FBXW8: variants seen among roughly 807,000 people sequenced by gnomAD.
FBXW8 encodes the protein F-box/WD repeat-containing protein 8.
A neutral mutation model predicts 65.3 loss-of-function variants in FBXW8; 57 were observed. The observed-to-expected ratio is 0.87, with a 90% confidence interval of 0.71 to 1.09. FBXW8 has a LOEUF of 1.09. Among genes scored for constraint, FBXW8 ranks in the 50% least tolerant of loss-of-function variants. The pLI is 0.00. For missense variants in FBXW8, 777 were observed against 814.8 expected, an observed-to-expected ratio of 0.95 and a Z score of 0.57; for synonymous variants, 308 against 330.2, an observed-to-expected ratio of 0.93 and a Z score of 0.73.
chr12:117,013,025 G>A lies in FBXW8; in HGVS notation c.1367+2575G>A, dbSNP rs140890950. 7.9e-5 allele frequency among the ~76,000 whole-genome samples: 12 copies of A among 152,114 alleles called. No individual in the cohort carries two copies. In the East Asian group the frequency reaches 2.3e-3, roughly 29 times the overall value. On this transcript the variant is annotated intron_variant, in intron 8 of 10. Transcript: ENST00000652555. ...TCCTATCACTCAAGAAAAACCAGACGCTTGAGGTCAGGAGTTCAAGGTCAG... is the reference window on the plus strand; with the variant it reads ...TCCTATCACTCAAGAAAAACCAGACACTTGAGGTCAGGAGTTCAAGGTCAG...
intron 7 of FBXW8, among the ~76,000 whole-genome samples, chr12:117,001,795 C>T (rs1246674994): frequency 6.6e-6 from 1 of 152,198 alleles, no homozygotes; most frequent in African/African-American, 2.4e-5. Context: ...GCTGGACTCA[C>T]TGCTCTGACA....
chr12:117,016,508 C>T (rs894941433), intron 8 of FBXW8, among the ~76,000 whole-genome samples: 1 of 151,966 alleles, frequency 6.6e-6, no homozygotes, highest in Non-Finnish European at 1.5e-5. Flanking sequence ...TTAATATAGC[C>T]CAGGTACAAA....
At chr12:116,915,446 T>G (rs1420261478) in intron 1 of FBXW8, among the ~76,000 whole-genome samples, 2 of 152,118 alleles carry the variant, frequency 1.3e-5, no homozygotes, top group Non-Finnish European at 2.9e-5. Context: ...CACAGCTTGA[T>G]GAATTTTCAA....
chr12:116,997,959 G>T (rs112080989), intron 7 of FBXW8, among the ~76,000 whole-genome samples: 3,607 of 152,232 alleles, frequency 0.024, 145 homozygotes, highest in African/African-American at 0.082. Flanking sequence ...GGGACTACAG[G>T]CGTGTGCCAC....
chr12:117,013,033 T>TC, intron 8 of FBXW8, among the ~76,000 whole-genome samples: 1 of 152,150 alleles, frequency 6.6e-6, no homozygotes, highest in East Asian at 1.9e-4. Context: ...ACGCTTGAGG[T>TC]CAGGAGTTCA....
At chr12:116,928,180 A>G in intron 2 of FBXW8, 53 bp downstream of exon 2, 3 of 1,073,304 alleles carry the variant, frequency 2.8e-6, no homozygotes, top group East Asian at 2.4e-5. Flanking sequence ...TGATTAAGGT[A>G]TAGGACTCTC....
At chr12:117,012,206 G>A (rs1002988226) in intron 8 of FBXW8, among the ~76,000 whole-genome samples, 1 of 119,532 alleles carries the variant, frequency 8.4e-6, no homozygotes, top group Non-Finnish European at 1.7e-5. Flanking sequence ...GGTGTTCCAT[G>A]CATAGTGTCA....
intron 8 of FBXW8, among the ~76,000 whole-genome samples, chr12:117,019,018 A>C (rs10850742): frequency 0.41 from 61,659 of 152,068 alleles, 14,738 homozygotes; most frequent in African/African-American, 0.67. Flanking sequence ...CCCATTATGG[A>C]CTAAGGTTAG....
chr12:116,977,984 A>G (rs1221922283), intron 5 of FBXW8: 1 of 152,108 alleles, frequency 6.6e-6, no homozygotes, highest in African/African-American at 2.4e-5. Flanking sequence ...CTCAGTTTCT[A>G]TTTTGGTGAT....
intron 2 of FBXW8, among the ~76,000 whole-genome samples, chr12:116,930,153 T>G (rs570607676): frequency 6.6e-6 from 1 of 152,358 alleles, no homozygotes; most frequent in African/African-American, 2.4e-5. Context: ...GAGATCACTT[T>G]GACAAACTGA....
chr12:116,922,250 T>C (rs568419353), intron 1 of FBXW8, among the ~76,000 whole-genome samples: 2 of 152,300 alleles, frequency 1.3e-5, no homozygotes, highest in South Asian at 2.1e-4. Flanking sequence ...AGCCAACCAG[T>C]TTTTTTCTTC....
At chr12:116,970,438 G>A (rs1884585204) in intron 5 of FBXW8, among the ~76,000 whole-genome samples, 1 of 152,150 alleles carries the variant, frequency 6.6e-6, no homozygotes, top group South Asian at 2.1e-4. Context: ...CCGGGACTGT[G>A]GCTGCCCTGG....
intron 5 of FBXW8, among the ~76,000 whole-genome samples, chr12:116,966,264 A>T (rs1217537232): frequency 2.0e-5 from 3 of 152,262 alleles, no homozygotes; most frequent in South Asian, 4.1e-4. Flanking sequence ...CTACTTTCCA[A>T]ATTATCAATG....
At chr12:116,929,309 C>T (rs1249418194) in intron 2 of FBXW8, among the ~76,000 whole-genome samples, 1 of 151,942 alleles carries the variant, frequency 6.6e-6, no homozygotes, top group African/African-American at 2.4e-5. Context: ...ATCTCGGCTT[C>T]CTGCAACCTC....
intron 5 of FBXW8, among the ~76,000 whole-genome samples, chr12:116,982,149 A>T (rs903457213): frequency 2.6e-5 from 4 of 152,214 alleles, no homozygotes; most frequent in East Asian, 1.9e-4. Context: ...GGATAAATTT[A>T]AAAAATTAGC....
chr12:116,953,837 C>A (rs537690787), intron 4 of FBXW8, among the ~76,000 whole-genome samples: 5 of 142,318 alleles, frequency 3.5e-5, no homozygotes, highest in African/African-American at 1.3e-4. Context: ...CAAAACCAGC[C>A]GGGCATGGTG....
At chr12:117,011,087 G>T (rs1366914098) in intron 8 of FBXW8, among the ~76,000 whole-genome samples, 2 of 150,866 alleles carry the variant, frequency 1.3e-5, no homozygotes, top group African/African-American at 2.4e-5. Context: ...CCAAATTTTA[G>T]GTTTCTCCCC....
chr12:116,964,660 A>C, intron 4 of FBXW8, 37 bp from the exon 5 acceptor site: 1 of 1,612,122 alleles, frequency 6.2e-7, no homozygotes, highest in African/African-American at 1.3e-5. Context: ...CTGCTCTTCA[A>C]TCTCCTTTTG....
intron 6 of FBXW8, chr12:116,986,501 G>C (rs982635955): frequency 6.6e-6 from 1 of 152,118 alleles, no homozygotes; most frequent in African/African-American, 2.4e-5. Context: ...GGTGGTGGGC[G>C]CCTGTAGTCC....
Sources: allele counts gnomAD v4.1 joint callset (sites outside exome capture counted in the v4.1 genomes callset), GRCh38; gene constraint gnomAD v4.1.1; transcripts MANE v1.5; gene names NCBI Gene and HGNC (gene_info 2026-07-23, HGNC 2026-07-21).